HCFC1R1: variants seen among roughly 807,000 people sequenced by gnomAD.
HCFC1R1 encodes the protein HCF-1 beta-propeller-interacting protein.
Under a neutral mutation model 13.3 loss-of-function variants are expected in HCFC1R1, and 17 were observed. The ratio of observed to expected loss-of-function variants is 1.28; its 90% CI spans 0.87 to 1.91. The LOEUF (loss-of-function observed/expected upper bound fraction) is 1.91, where lower values mean the gene tolerates loss of function less well. HCFC1R1 is among the 40% of genes most tolerant of loss of function. HCFC1R1 has a pLI of 0.00. For synonymous variants in HCFC1R1, 87 were observed against 71.1 expected, an observed-to-expected ratio of 1.22 and a Z score of -1.12; for missense variants, 218 against 177.9, an observed-to-expected ratio of 1.23 and a Z score of -1.28.
Position 3,022,968 on chromosome 16 carries a change from G to C in HCFC1R1, c.312C>G (p.Arg104=). Residue 104 remains arginine, a synonymous_variant, in exon 4 of 4, where the codon CGC becomes CGG. Transcript: ENST00000248089. ...CCTCAGGGATGAGGCTGCCAGGATA[G>C]CGCCAGAGAAGCAGCTCAGAGCAAG... ...RSPCSELLLW[R]YPGSLIPEAL... is the part of the protein sequence containing the mutation. 6.3e-7 allele frequency: 1 copy of C among 1,593,158 alleles called. No homozygotes were observed. Among genetic ancestry groups the C allele is most frequent in the South Asian group, 1.1e-5 (1 of 88,084 alleles).
At chr16:3,023,675 G>C in intron 1 of HCFC1R1, 145 bp from the exon 2 acceptor site, 2 of 1,118,566 alleles carry the variant, frequency 1.8e-6, no homozygotes, top group Non-Finnish European at 2.5e-6. Flanking sequence ...GGACCATCCA[G>C]CAGGGTACCT....
At chr16:3,023,599 C>G in intron 1 of HCFC1R1, 69 bp from the exon 2 acceptor site, 1 of 1,473,828 alleles carries the variant, frequency 6.8e-7, no homozygotes, top group East Asian at 2.4e-5. Flanking sequence ...CCCGCCTAAG[C>G]CTGCAGCATC....
chr16:3,023,583 G>T, intron 1 of HCFC1R1, 53 bp from the exon 2 acceptor site: 1 of 1,505,856 alleles, frequency 6.6e-7, no homozygotes. Flanking sequence ...CCTTCCCAAG[G>T]ATCTGCCCGC....
At position 3,023,880 on chromosome 16, in the gene HCFC1R1, G is replaced by A. The variant is rs546625608; in HGVS notation, c.62C>T (p.Ala21Val). ...CAGGCCCCAAGTCACCCCCAAGGCG[G>A]CCCGCGGGAGGCGCTGGGCCCCTCC... The part of the protein sequence containing the change: ...PQGGAQRLPR[A>V]ALGVTWGLDA... The change falls in exon 1 of 4, where the codon GCC (alanine) becomes GTC (valine). Residue 21 changes from alanine to valine, a missense_variant. Transcript: ENST00000248089. 255 of 1,553,632 alleles carry A rather than the reference G, an allele frequency of 1.6e-4. 6 individuals carry two copies. In the South Asian group the frequency reaches 2.8e-3, roughly 17 times the overall value.
chr16:3,023,616 G>C (rs2072684242), intron 1 of HCFC1R1, 86 bp from the exon 2 acceptor site: 2 of 1,422,340 alleles, frequency 1.4e-6, no homozygotes, highest in Non-Finnish European at 9.3e-7. Flanking sequence ...CATCAGCCAG[G>C]AGCCCCAAGC....
chr16:3,023,755 C>T (rs1383326409), intron 1 of HCFC1R1, 92 bp downstream of exon 1: 1 of 1,152,726 alleles, frequency 8.7e-7, no homozygotes, highest in Non-Finnish European at 1.2e-6. Context: ...CCGATTCGCC[C>T]CACCCCGTAT....
chr16:3,023,437 G>T (rs765066757), intron 2 of HCFC1R1, 37 bp downstream of exon 2: 4 of 1,613,776 alleles, frequency 2.5e-6, no homozygotes, highest in African/African-American at 2.7e-5. Context: ...AGGTGACAGA[G>T]ATCTTGTTGG....
Position 3,023,476 on chromosome 16 carries a change from C to A in HCFC1R1, c.150G>T (p.Glu50Asp). 6.2e-7 allele frequency: 1 copy of A among 1,613,046 alleles called. No homozygotes were observed. Among genetic ancestry groups the A allele is most frequent in the East Asian group, 2.2e-5 (1 of 44,854 alleles). ...TCCCTCCCTGCCCCCAAACTCACTG[C>A]TCCTCCTCCAGGCGCCGCTTGGTGC... ...PMSTKRRLEE[E>D]QEPLRKQFLS... Residue 50 changes from glutamate (E) to aspartate (D), a missense_variant and splice_region_variant, in exon 2 of 4, where the codon GAG (glutamate) becomes GAT (aspartate). Transcript: ENST00000248089.
At position 3,022,990 on chromosome 16, in the gene HCFC1R1, C is replaced by A. The variant is rs1317999782; in HGVS notation, c.290G>T (p.Cys97Phe). The change falls in exon 4 of 4, where the codon TGC (cysteine) becomes TTC (phenylalanine). Residue 97 changes from cysteine (C) to phenylalanine (F), a missense_variant. Transcript: ENST00000248089. ...SPALPPLRSP[C>F]SELLLWRYPG... ...ATAGCGCCAGAGAAGCAGCTCAGAG[C>A]AAGGGCTCCTAGAAGAGGAAATGAC... 1 of 1,598,214 alleles carries A rather than the reference C, an allele frequency of 6.3e-7. No homozygotes were observed. The highest frequency in any genetic ancestry group is 1.8e-5 in the Admixed American group (1 of 55,434).
chr16:3,023,096 C>G (rs1963557127), intron 3 of HCFC1R1, 98 bp from the exon 4 acceptor site: 3 of 1,529,112 alleles, frequency 2.0e-6, no homozygotes, highest in Admixed American at 2.3e-5. Context: ...GGGTTCCCAG[C>G]ACTTTCCAAA....
chr16:3,023,969 C>T, upstream of HCFC1R1: 1 of 1,500,198 alleles, frequency 6.7e-7, no homozygotes, highest in Non-Finnish European at 9.0e-7. Context: ...CGGGTGGGAT[C>T]TGGGCGACAG....
chr16:3,022,763 A>G lies in HCFC1R1; in HGVS notation c.*100T>C. 9.0e-7 allele frequency: 1 copy of G among 1,115,754 alleles called. No homozygotes were observed. The allele number at this position is 1,115,754 out of a possible 1,614,324, so 69.1% of individuals were successfully genotyped here. A position where few individuals can be genotyped will look rare whatever the true frequency, so the allele number is the denominator to read the frequency against. ...GGAAGGTCTTGGTGCCCAGATGCCTACTCTGCAGGAGAGGGAGGAACCTTG... is the reference window on the plus strand; with the variant it reads ...GGAAGGTCTTGGTGCCCAGATGCCTGCTCTGCAGGAGAGGGAGGAACCTTG... On this transcript the variant is annotated 3_prime_UTR_variant, in exon 4 of 4. Transcript: ENST00000248089.
At chr16:3,023,408 G>A (rs756749545) in intron 2 of HCFC1R1, 47 bp from the exon 3 acceptor site, 2 of 1,613,738 alleles carry the variant, frequency 1.2e-6, no homozygotes, top group Non-Finnish European at 1.7e-6. Flanking sequence ...GACACAGGAG[G>A]CAGCCTGTTG....
rs756692890 is a variant in HCFC1R1, at chr16:3,023,480, T to A, written c.146A>T (p.Glu49Val). ...TCCCTGCCCCCAAACTCACTGCTCC[T>A]CCTCCAGGCGCCGCTTGGTGCTCAT... is the stretch of plus-strand genomic sequence containing the variant. ...VPMSTKRRLEEEQEPLRKQFL... is the reference protein window; with the variant it reads ...VPMSTKRRLEVEQEPLRKQFL... Residue 49 changes from glutamate to valine, a missense_variant, in exon 2 of 4, where the codon GAG becomes GTG. Transcript: ENST00000248089. 1 of 1,612,568 alleles carries A rather than the reference T, an allele frequency of 6.2e-7. No homozygotes were observed. The highest frequency in any genetic ancestry group is 8.5e-7 in the Non-Finnish European group (1 of 1,179,340).
Position 3,022,748 on chromosome 16 carries a change from G to T in HCFC1R1, c.*115C>A. The T allele has an allele frequency of 9.6e-6, 9 of 934,402 alleles. No homozygotes were observed. Among genetic ancestry groups the T allele is most frequent in the East Asian group, 3.5e-5 (1 of 28,690 alleles). 57.9% of individuals were successfully genotyped at this position (934,402 alleles called of 1,614,324 possible). On this transcript the variant is annotated 3_prime_UTR_variant, in exon 4 of 4. Coordinates refer to ENST00000248089, the MANE Select transcript of HCFC1R1 (RefSeq NM_017885.4). ...GTGTCCTCTGTTGAGGGAAGGTCTT[G>T]GTGCCCAGATGCCTACTCTGCAGGA...
chr16:3,023,264 T>TG lies in HCFC1R1; in HGVS notation c.249dup (p.Met84HisfsTer16), dbSNP rs746547303. Reference sequence around the variant, plus strand: ...GGGGGCAGGGCTGGGGAGAAGGTCATGGGGGGGCTGCAGTAGGGGTGGTCA... The same window carrying TG: ...GGGGGCAGGGCTGGGGAGAAGGTCATGGGGGGGGCTGCAGTAGGGGTGGTCA... On this transcript the variant is annotated frameshift_variant, in exon 3 of 4. Transcript: ENST00000248089. LOFTEE classifies it high-confidence loss of function. 8.9e-6 allele frequency: 14 copies of TG among 1,567,446 alleles called. No homozygotes were observed. Among genetic ancestry groups the TG allele is most frequent in the South Asian group, 1.2e-5 (1 of 84,262 alleles).
At chr16:3,024,193 G>A, upstream of HCFC1R1, 1 of 1,109,206 alleles carries the variant, frequency 9.0e-7, no homozygotes, top group Non-Finnish European at 1.3e-6. Context: ...CGGCTCCTAG[G>A]GTTCGGGACG....
Position 3,023,489 on chromosome 16 carries a change from C to T in HCFC1R1, c.137G>A (p.Arg46His), listed in dbSNP as rs750019029. 1.8e-5 allele frequency: 29 copies of T among 1,612,142 alleles called. No homozygotes were observed. The Admixed American group carries it at 4.8e-4, about 27-fold the overall frequency. The change falls in exon 2 of 4, where the codon CGC becomes CAC. Residue 46 changes from arginine to histidine, a missense_variant. Transcript: ENST00000248089. ...CCAAACTCACTGCTCCTCCTCCAGG[C>T]GCCGCTTGGTGCTCATGGGCACAGC... is the stretch of plus-strand genomic sequence containing the variant. ...RGAVPMSTKR[R>H]LEEEQEPLRK...
In HCFC1R1 at chr16:3,023,299, C is replaced by G; in HGVS notation, c.215G>C (p.Ser72Thr). ...ENMATHFSQL[S>T]LHNDHPYCSP... ...GCAGTAGGGGTGGTCATTGTGCAGGCTGAGTTGAGAGAAGTGGGTGGCCAT... is the reference window on the plus strand; with the variant it reads ...GCAGTAGGGGTGGTCATTGTGCAGGGTGAGTTGAGAGAAGTGGGTGGCCAT... The change falls in exon 3 of 4, where the codon AGC becomes ACC. Residue 72 changes from serine to threonine, a missense_variant. Physicochemically the swap from Ser to Thr is moderately conservative, Grantham distance 58. Coordinates refer to ENST00000248089, the MANE Select transcript of HCFC1R1 (RefSeq NM_017885.4). The G allele has an allele frequency of 1.3e-6, 2 of 1,595,464 alleles. No homozygotes were observed. Among genetic ancestry groups the G allele is most frequent in the South Asian group, 1.1e-5 (1 of 88,582 alleles).
Sources: allele counts gnomAD v4.1 joint callset, GRCh38; gene constraint gnomAD v4.1.1; transcripts MANE v1.5; gene names NCBI Gene and HGNC (gene_info 2026-07-23, HGNC 2026-07-21).